The following PTCD1 variants were observed in gnomAD, a reference collection of about 807,000 sequenced individuals.
PTCD1 encodes pentatricopeptide repeat-containing protein 1, mitochondrial.
PTCD1 carries 50 observed loss-of-function variants against 53.4 expected under a neutral mutation model. The observed-to-expected ratio is 0.94, with a 90% CI of 0.75 to 1.19. PTCD1 has a LOEUF of 1.19. Among genes scored for constraint, PTCD1 ranks in the 50% most tolerant of loss-of-function variants. The pLI is 0.00. For synonymous variants in PTCD1, 413 were observed against 394.8 expected, an observed-to-expected ratio of 1.05 and a Z score of -0.55; for missense variants, 918 against 904.8, an observed-to-expected ratio of 1.01 and a Z score of -0.19.
rs748559296 is a variant in PTCD1 at position 99,425,034 on chromosome 7, C to G, written c.1498G>C (p.Gly500Arg). 7.4e-6 allele frequency: 12 copies of G among 1,614,104 alleles called. No individual in the cohort carries two copies. The highest frequency in any genetic ancestry group is 7.6e-6 in the Non-Finnish European group (9 of 1,180,052). ...AGCAGCAAGGACTCTGCAGGACTCC[C>G]GGACTCCACCACCTCGGCCAGTAGC... ...LTLLAEVVESGSPAESLLLAL... is the reference protein window; with the variant it reads ...LTLLAEVVESRSPAESLLLAL... The change falls in exon 6 of 8, where the codon GGG (glycine) becomes CGG (arginine). Residue 500 changes from glycine to arginine, a missense_variant. By Grantham distance (125) the Gly-to-Arg change is moderately radical. Coordinates refer to ENST00000292478, the MANE Select transcript of PTCD1 (RefSeq NM_015545.4).
In PTCD1 at chr7:99,418,420, C is replaced by T. The variant is rs561362568; in HGVS notation, c.*1547G>A. 3.1e-4 allele frequency: 48 copies of T among 154,422 alleles called. No individual in the cohort carries two copies. Among genetic ancestry groups the T allele is most frequent in the Non-Finnish European group, 5.2e-4 (36 of 69,568 alleles). The allele number at this position is 154,422 out of a possible 1,614,324, so 9.6% of individuals were successfully genotyped here. On this transcript the variant is annotated 3_prime_UTR_variant, in exon 8 of 8. Transcript: ENST00000292478. ...CCCGAGGCAGAGTCACAGCAGTGGC[C>T]GCTCAGTGCAGCCCCTCAGCACAGT...
rs1412037853 is a variant in PTCD1 at position 99,438,728 on chromosome 7, C to T, written c.-63G>A. The T allele has an allele frequency of 7.7e-7, 1 of 1,305,358 alleles. No individual in the cohort carries two copies. Among genetic ancestry groups the T allele is most frequent in the Non-Finnish European group, 1.0e-6 (1 of 1,002,304 alleles). 80.9% of individuals were successfully genotyped at this position (1,305,358 alleles called of 1,614,324 possible). ...GGCGCAGTGCACTCCGACGGGGAGC[C>T]CTGCCCGGTCCCCGCGGCGAACCAG... On this transcript the variant is annotated 5_prime_UTR_variant, in exon 1 of 8. Transcript: ENST00000292478.
chr7:99,426,115 C>G (rs1796004108), intron 5 of PTCD1, among the ~76,000 whole-genome samples: 1 of 150,288 alleles, frequency 6.7e-6, no homozygotes, highest in Non-Finnish European at 1.5e-5. Flanking sequence ...CTCTCCCTCT[C>G]CCTCTCCCCC....
In PTCD1 at chr7:99,434,981, TCTC is replaced by T. The variant is rs757002858; in HGVS notation, c.259_261del (p.Glu87del). 9.5e-5 allele frequency: 154 copies of T among 1,613,636 alleles called. No individual in the cohort carries two copies. In the Admixed American group the frequency reaches 2.3e-3, roughly 24 times the overall value. On this transcript the variant is annotated inframe_deletion, in exon 2 of 8. Transcript: ENST00000292478. ...TATTTGTCAGAGAGGGTCCCAAAAC[TCTC>T]CTCCTCCTCCTCGTCTTCTTCCTGC...
At position 99,419,457 on chromosome 7, in the gene PTCD1, C is replaced by T. The variant is rs780720019; in HGVS notation, c.*510G>A. ...CTCTGGCTGAGGCTGGCGCGCTCCA[C>T]CCTGGACTCTGGACTTCGCAGGTTC... On this transcript the variant is annotated 3_prime_UTR_variant, in exon 8 of 8. Transcript: ENST00000292478. 1.2e-6 allele frequency: 2 copies of T among 1,609,984 alleles called. No homozygotes were observed. The highest frequency in any genetic ancestry group is 1.3e-5 in the African/African-American group (1 of 74,948).
intron 3 of PTCD1, among the ~76,000 whole-genome samples, chr7:99,432,178 G>A (rs908734764): frequency 9.2e-5 from 14 of 152,286 alleles, no homozygotes; most frequent in South Asian, 8.3e-4. Flanking sequence ...CCCCCAGCCC[G>A]ACGCCCATAA....
rs1795590569 is a variant in PTCD1, at chr7:99,417,827, T to G, written c.*2140A>C. 1.3e-6 allele frequency: 2 copies of G among 1,481,746 alleles called. No individual in the cohort carries two copies. Among genetic ancestry groups the G allele is most frequent in the Non-Finnish European group, 1.8e-6 (2 of 1,118,482 alleles). The allele number at this position is 1,481,746 out of a possible 1,614,324, so 91.8% of individuals were successfully genotyped here. ...ATCTCAACTCCACTTTTGGGCAAATTACTGAACCCCTTTCCTCACTTAGGA... is the reference window on the plus strand; with the variant it reads ...ATCTCAACTCCACTTTTGGGCAAATGACTGAACCCCTTTCCTCACTTAGGA... On this transcript the variant is annotated 3_prime_UTR_variant, in exon 8 of 8. Coordinates refer to ENST00000292478, the MANE Select transcript of PTCD1 (RefSeq NM_015545.4).
chr7:99,425,745 A>G (rs371303521), intron 5 of PTCD1, 129 bp from the exon 6 acceptor site: 6 of 1,275,244 alleles, frequency 4.7e-6, no homozygotes, highest in African/African-American at 2.9e-5. Context: ...AGTTCGAGAC[A>G]AGACCGGGCA....
intron 1 of PTCD1, among the ~76,000 whole-genome samples, chr7:99,436,804 T>C (rs1201040030): frequency 6.6e-6 from 1 of 152,236 alleles, no homozygotes; most frequent in East Asian, 1.9e-4. Context: ...GGGGCCTTTA[T>C]CATTCTGCAT....
rs1310429716 is a variant in PTCD1 at position 99,419,246 on chromosome 7, GT to G, written c.*720del. 2 of 975,446 alleles carry G rather than the reference GT, an allele frequency of 2.1e-6. No homozygotes were observed. Among genetic ancestry groups the G allele is most frequent in the Non-Finnish European group, 3.1e-6 (2 of 641,818 alleles). 60.4% of individuals were successfully genotyped at this position (975,446 alleles called of 1,614,324 possible). On this transcript the variant is annotated 3_prime_UTR_variant, in exon 8 of 8. Coordinates refer to ENST00000292478, the MANE Select transcript of PTCD1 (RefSeq NM_015545.4). ...TTCATGAGGGAGCCAAATTTTCCCT[GT>G]CCAGAGCTGTCAAGGAAGGGTTTCT...
intron 2 of PTCD1, 103 bp from the exon 3 acceptor site, chr7:99,433,521 A>G: frequency 6.3e-7 from 1 of 1,597,970 alleles, no homozygotes; most frequent in Non-Finnish European, 8.5e-7. Context: ...ATGGTGGAGA[A>G]CGGCGGCCCT....
chr7:99,421,734 G>A (rs1436771735), intron 7 of PTCD1, among the ~76,000 whole-genome samples: 1 of 152,116 alleles, frequency 6.6e-6, no homozygotes, highest in African/African-American at 2.4e-5. Context: ...CAGCCTGGGT[G>A]ACAGAGTGAG....
In PTCD1 at chr7:99,425,722, C is replaced by T; in HGVS notation, c.916-106G>A. 5 of 1,423,480 alleles carry T rather than the reference C, an allele frequency of 3.5e-6. No individual in the cohort carries two copies. The Admixed American group carries it at 7.9e-5, about 22-fold the overall frequency. The allele number at this position is 1,423,480 out of a possible 1,614,324, so 88.2% of individuals were successfully genotyped here. On this transcript the variant is annotated intron_variant, in intron 5 of 7. Transcript: ENST00000292478. ...CTTGGGAGTTTTAGATGGGAGGATC[C>T]CTTGAGATCAGGAGTTCGAGACAAG...
chr7:99,425,625 G>A lies in PTCD1; in HGVS notation c.916-9C>T, dbSNP rs1795984285. ...AGCATCAGCCGCCACACCTGCCACGGAAGAGACAAACGTCAGCTGGGTGCT... is the reference window on the plus strand; with the variant it reads ...AGCATCAGCCGCCACACCTGCCACGAAAGAGACAAACGTCAGCTGGGTGCT... On this transcript the variant is annotated splice_polypyrimidine_tract_variant and intron_variant, in intron 5 of 7. Coordinates refer to ENST00000292478, the MANE Select transcript of PTCD1 (RefSeq NM_015545.4). 6.2e-7 allele frequency: 1 copy of A among 1,604,324 alleles called. No homozygotes were observed. The highest frequency in any genetic ancestry group is 1.3e-5 in the African/African-American group (1 of 74,548).
rs1377956270 is a variant in PTCD1, at chr7:99,418,271, G to A, written c.*1696C>T. ...CATGAGCTACTGCGCCCAGCCCACT[G>A]TGTTTCTTCTTTCAGAACTTTCTGT... On this transcript the variant is annotated 3_prime_UTR_variant, in exon 8 of 8. Transcript: ENST00000292478. 2 of 161,782 alleles carry A rather than the reference G, an allele frequency of 1.2e-5. No individual in the cohort carries two copies. The allele number at this position is 161,782 out of a possible 1,614,324, so 10.0% of individuals were successfully genotyped here.
chr7:99,425,750 C>A (rs1045472424), intron 5 of PTCD1, 134 bp from the exon 6 acceptor site: 2 of 1,233,212 alleles, frequency 1.6e-6, no homozygotes, highest in Admixed American at 4.0e-5. Context: ...GAGACAAGAC[C>A]GGGCAACATA....
intron 5 of PTCD1, among the ~76,000 whole-genome samples, chr7:99,427,049 T>A (rs1274012456): frequency 6.9e-6 from 1 of 145,750 alleles, no homozygotes; most frequent in Non-Finnish European, 1.5e-5. Context: ...GTGAGGAGCG[T>A]CTCCGCCCGG....
intron 3 of PTCD1, among the ~76,000 whole-genome samples, chr7:99,431,953 A>G (rs898893675): frequency 6.6e-6 from 1 of 152,236 alleles, no homozygotes; most frequent in Non-Finnish European, 1.5e-5. Flanking sequence ...AGGGCTGTGC[A>G]GGGTGTGCTT....
At position 99,420,148 on chromosome 7, in the gene PTCD1, T is replaced by C. The variant is rs199885886; in HGVS notation, c.1922A>G (p.Tyr641Cys). The change falls in exon 8 of 8, where the codon TAC becomes TGC. Residue 641 changes from tyrosine (Y) to cysteine (C), a missense_variant and splice_region_variant. Tyr to Cys is a radical substitution (Grantham distance 194). Coordinates refer to ENST00000292478, the MANE Select transcript of PTCD1 (RefSeq NM_015545.4). ...CTCCAGGTAGGTGTTCTTCCCTTGG[T>C]ACTAGAATTAGAAAAGTGAGGCTAG... Reference protein sequence around the residue: ...AAQYPPTFDRYQGKNTYLEKI... With the variant: ...AAQYPPTFDRCQGKNTYLEKI... The C allele has an allele frequency of 5.9e-5, 96 of 1,614,066 alleles. No individual in the cohort carries two copies. Among genetic ancestry groups the C allele is most frequent in the Non-Finnish European group, 7.9e-5 (93 of 1,180,036 alleles).
Sources: gnomAD v4.1 joint callset for allele counts (sites outside exome capture counted in the v4.1 genomes callset) on GRCh38, gnomAD v4.1.1 for gene constraint, MANE v1.5 for transcripts, NCBI Gene and HGNC (gene_info 2026-07-23, HGNC 2026-07-21) for gene names.